KRTAP24-1: variants seen among roughly 807,000 people sequenced by gnomAD.
KRTAP24-1 encodes keratin associated protein 24-1, also known as keratin-associated protein 24-1.
For synonymous variants in KRTAP24-1, 133 were observed against 116.3 expected (o/e 1.14, Z -0.92); for missense variants, 344 against 303.2 (o/e 1.13, Z -1.00).
rs541058290 is a variant in KRTAP24-1, at chr21:30,282,555, C to G, written c.378G>C (p.Gly126=). 14 of 1,604,072 alleles carry G rather than the reference C, an allele frequency of 8.7e-6. No individual in the cohort carries two copies. Among genetic ancestry groups the G allele is most frequent in the Non-Finnish European group, 1.1e-5 (13 of 1,174,686 alleles). The change falls in exon 1 of 1, where the codon GGG becomes GGC. Residue 126 remains glycine (G), a synonymous_variant. Transcript: ENST00000340345. Reference sequence around the variant, plus strand: ...TGGGTATGTGGCAATTGCATACATACCCATTGGTCTGGGTGCTTGGGCTGC... The same window carrying G: ...TGGGTATGTGGCAATTGCATACATAGCCATTGGTCTGGGTGCTTGGGCTGC... The part of the protein sequence containing the change: ...PSCSPSTQTN[G]YVCNCHIPTR...
Position 30,281,344 on chromosome 21 carries a change from G to A in KRTAP24-1, c.*824C>T, listed in dbSNP as rs1401974318. 9 of 152,164 alleles carry A rather than the reference G, an allele frequency of 5.9e-5. No individual in the cohort carries two copies. The highest frequency in any genetic ancestry group is 1.5e-5 in the Non-Finnish European group (1 of 68,032). 9.4% of individuals were successfully genotyped at this position (152,164 alleles called of 1,614,324 possible). A position where few individuals can be genotyped will look rare whatever the true frequency, so the allele number is the denominator to read the frequency against. On this transcript the variant is annotated 3_prime_UTR_variant, in exon 1 of 1. Transcript: ENST00000340345. ...AAATTTGTTTATTAACTAAGAACTAGGACATTTTCCAGAGTCAGAATGCAA... is the reference window on the plus strand; with the variant it reads ...AAATTTGTTTATTAACTAAGAACTAAGACATTTTCCAGAGTCAGAATGCAA...
Position 30,282,897 on chromosome 21 carries a change from A to G in KRTAP24-1, c.36T>C (p.Pro12=). ...PAGSMSTTGY[P]GVCSTTSYRT... Reference sequence around the variant, plus strand: ...TGTATGATGTGGTACTGCAGACCCCAGGATAGCCTGTAGTAGACATGGAGC... The same window carrying G: ...TGTATGATGTGGTACTGCAGACCCCGGGATAGCCTGTAGTAGACATGGAGC... Residue 12 remains proline (P), a synonymous_variant, in exon 1 of 1, where the codon CCT becomes CCC. Transcript: ENST00000340345. 6.2e-7 allele frequency: 1 copy of G among 1,613,282 alleles called. No homozygotes were observed.
chr21:30,282,689 T>C lies in KRTAP24-1; in HGVS notation c.244A>G (p.Ser82Gly). The C allele has an allele frequency of 1.2e-6, 2 of 1,611,980 alleles. No homozygotes were observed. Among genetic ancestry groups the C allele is most frequent in the Non-Finnish European group, 1.7e-6 (2 of 1,178,904 alleles). Reference protein sequence around the residue: ...KSPSCEPKTCSTTGCDPSNSS... With the variant: ...KSPSCEPKTCGTTGCDPSNSS... Reference sequence around the variant, plus strand: ...TTTGACGGGTCACAACCAGTGGTACTGCAGGTCTTGGGCTCACAGCTGGGA... The same window carrying C: ...TTTGACGGGTCACAACCAGTGGTACCGCAGGTCTTGGGCTCACAGCTGGGA... Residue 82 changes from serine to glycine, a missense_variant, in exon 1 of 1, where the codon AGT becomes GGT. By Grantham distance (56) the Ser-to-Gly change is moderately conservative (BLOSUM62 0). Transcript: ENST00000340345.
rs1261342571 is a variant in KRTAP24-1 at position 30,282,556 on chromosome 21, C to A, written c.377G>T (p.Gly126Val). The A allele has an allele frequency of 1.9e-6, 3 of 1,603,308 alleles. No individual in the cohort carries two copies. The highest frequency in any genetic ancestry group is 1.7e-5 in the Admixed American group (1 of 59,340). Residue 126 changes from glycine (G) to valine (V), a missense_variant, in exon 1 of 1, where the codon GGG (glycine) becomes GTG (valine). Gly to Val is a moderately radical substitution (Grantham distance 109). Coordinates refer to ENST00000340345, the MANE Select transcript of KRTAP24-1 (RefSeq NM_001085455.3). Reference sequence around the variant, plus strand: ...GGGTATGTGGCAATTGCATACATACCCATTGGTCTGGGTGCTTGGGCTGCA... The same window carrying A: ...GGGTATGTGGCAATTGCATACATACACATTGGTCTGGGTGCTTGGGCTGCA... ...PSCSPSTQTN[G>V]YVCNCHIPTR...
In KRTAP24-1 at chr21:30,282,365, G is replaced by A. The variant is rs777653515; in HGVS notation, c.568C>T (p.Pro190Ser). 2 of 1,614,120 alleles carry A rather than the reference G, an allele frequency of 1.2e-6. No individual in the cohort carries two copies. Among genetic ancestry groups the A allele is most frequent in the Non-Finnish European group, 1.7e-6 (2 of 1,180,010 alleles). Residue 190 changes from proline to serine, a missense_variant, in exon 1 of 1, where the codon CCA becomes TCA. By Grantham distance (74) the Pro-to-Ser change is moderately conservative (BLOSUM62 -1). Coordinates refer to ENST00000340345, the MANE Select transcript of KRTAP24-1 (RefSeq NM_001085455.3). ...CAGCTGTTGGAAATATAACATAATG[G>A]TGAGACGTAGCTGGGTATGAAGCAA... ...NPCFIPSYVS[P>S]LCYISNSCQP...
the KRTAP24-1 span, chr21:30,282,363 T>TG: frequency 1.2e-6 from 2 of 1,614,126 alleles, no homozygotes; most frequent in Non-Finnish European, 1.7e-6. Flanking sequence ...TATAACATAA[T>TG]GGTGAGACGT....
chr21:30,282,658 G>C lies in KRTAP24-1; in HGVS notation c.275C>G (p.Ser92Cys). ...STTGCDPSNS[S>C]VPCNSPSAGQ... ...TGCTGATGGGGAGTTGCAGGGCACA[G>C]AGGAGTTTGACGGGTCACAACCAGT... Residue 92 changes from serine to cysteine, a missense_variant, in exon 1 of 1, where the codon TCT (serine) becomes TGT (cysteine). Coordinates refer to ENST00000340345, the MANE Select transcript of KRTAP24-1 (RefSeq NM_001085455.3). 1.2e-6 allele frequency: 2 copies of C among 1,602,276 alleles called. No individual in the cohort carries two copies. The highest frequency in any genetic ancestry group is 1.7e-6 in the Non-Finnish European group (2 of 1,174,196).
Position 30,282,107 on chromosome 21 carries a change from A to G in KRTAP24-1, c.*61T>C, listed in dbSNP as rs2123271156. On this transcript the variant is annotated 3_prime_UTR_variant, in exon 1 of 1. Coordinates refer to ENST00000340345, the MANE Select transcript of KRTAP24-1 (RefSeq NM_001085455.3). Reference sequence around the variant, plus strand: ...GATTCAGCAGAAAATTAGACGTTCTAGTACTTAGTAGAATCTTCCCCATTG... The same window carrying G: ...GATTCAGCAGAAAATTAGACGTTCTGGTACTTAGTAGAATCTTCCCCATTG... The G allele has an allele frequency of 5.4e-6, 8 of 1,472,802 alleles. No homozygotes were observed. In the South Asian group the frequency reaches 8.9e-5, roughly 16 times the overall value. The allele number at this position is 1,472,802 out of a possible 1,614,324, so 91.2% of individuals were successfully genotyped here. A position where few individuals can be genotyped will look rare whatever the true frequency, so the allele number is the denominator to read the frequency against.
rs781131552 is a variant in KRTAP24-1, at chr21:30,282,643, GAGT to G, written c.287_289del (p.Asn96_Ser97delinsThr). 3 of 1,593,430 alleles carry G rather than the reference GAGT, an allele frequency of 1.9e-6. No homozygotes were observed. In the South Asian group the frequency reaches 3.5e-5, roughly 18 times the overall value. On this transcript the variant is annotated inframe_deletion, in exon 1 of 1. Transcript: ENST00000340345. The stretch of plus-strand genomic sequence containing the variant: ...ACTGAAGACTTGGCCTGCTGATGGG[GAGT>G]TGCAGGGCACAGAGGAGTTTGACGG...
chr21:30,282,943 C>T lies in KRTAP24-1; in HGVS notation c.-11G>A, dbSNP rs753121527. 2.8e-5 allele frequency: 44 copies of T among 1,596,922 alleles called. No homozygotes were observed. Among genetic ancestry groups the T allele is most frequent in the South Asian group, 2.6e-4 (23 of 88,098 alleles). ...GGAGCCTGCAGGCATGCTCAGTGGTCGCTGTGCAGTGTGTCTGTGGCCTAA... is the reference window on the plus strand; with the variant it reads ...GGAGCCTGCAGGCATGCTCAGTGGTTGCTGTGCAGTGTGTCTGTGGCCTAA... On this transcript the variant is annotated 5_prime_UTR_variant, in exon 1 of 1. Coordinates refer to ENST00000340345, the MANE Select transcript of KRTAP24-1 (RefSeq NM_001085455.3).
At position 30,282,521 on chromosome 21, in the gene KRTAP24-1, C is replaced by T. The variant is rs1481078581; in HGVS notation, c.412G>A (p.Ala138Thr). The T allele has an allele frequency of 1.2e-6, 2 of 1,612,974 alleles. No homozygotes were observed. The highest frequency in any genetic ancestry group is 1.7e-6 in the Non-Finnish European group (2 of 1,179,360). The change falls in exon 1 of 1, where the codon GCA becomes ACA. Residue 138 changes from alanine to threonine, a missense_variant. Ala to Thr is a moderately conservative substitution (Grantham distance 58). Coordinates refer to ENST00000340345, the MANE Select transcript of KRTAP24-1 (RefSeq NM_001085455.3). Reference sequence around the variant, plus strand: ...CGGAGGGTTTGGCAGGCTTTGGATGCATTTCGAGTGGGTATGTGGCAATTG... The same window carrying T: ...CGGAGGGTTTGGCAGGCTTTGGATGTATTTCGAGTGGGTATGTGGCAATTG... ...VCNCHIPTRN[A>T]SKACQTLRNG...
chr21:30,282,934 C>T lies in KRTAP24-1; in HGVS notation c.-2G>A. On this transcript the variant is annotated 5_prime_UTR_variant, in exon 1 of 1. Transcript: ENST00000340345. ...AGTAGACATGGAGCCTGCAGGCATG[C>T]TCAGTGGTCGCTGTGCAGTGTGTCT... is the stretch of plus-strand genomic sequence containing the variant. 6.2e-7 allele frequency: 1 copy of T among 1,603,482 alleles called. No homozygotes were observed. The highest frequency in any genetic ancestry group is 1.8e-4 in the Middle Eastern group (1 of 5,674).
In KRTAP24-1 at chr21:30,282,084, T is replaced by C. The variant is rs973656865; in HGVS notation, c.*84A>G. On this transcript the variant is annotated 3_prime_UTR_variant, in exon 1 of 1. Coordinates refer to ENST00000340345, the MANE Select transcript of KRTAP24-1 (RefSeq NM_001085455.3). Reference sequence around the variant, plus strand: ...AAGATTCTTAGGCTGAATAAAGAGATTCAGCAGAAAATTAGACGTTCTAGT... The same window carrying C: ...AAGATTCTTAGGCTGAATAAAGAGACTCAGCAGAAAATTAGACGTTCTAGT... 6.0e-6 allele frequency: 8 copies of C among 1,326,902 alleles called. No homozygotes were observed. The highest frequency in any genetic ancestry group is 4.1e-6 in the Non-Finnish European group (4 of 973,674). The allele number at this position is 1,326,902 out of a possible 1,614,324, so 82.2% of individuals were successfully genotyped here. A position where few individuals can be genotyped will look rare whatever the true frequency, so the allele number is the denominator to read the frequency against.
Position 30,282,362 on chromosome 21 carries a change from A to T in KRTAP24-1, c.571T>A (p.Leu191Ile). Residue 191 changes from leucine to isoleucine, a missense_variant, in exon 1 of 1, where the codon TTA (leucine) becomes ATA (isoleucine). Physicochemically the swap from Leu to Ile is conservative, Grantham distance 5. Coordinates refer to ENST00000340345, the MANE Select transcript of KRTAP24-1 (RefSeq NM_001085455.3). ...TGGCAGCTGTTGGAAATATAACATA[A>T]TGGTGAGACGTAGCTGGGTATGAAG... Reference protein sequence around the residue: ...PCFIPSYVSPLCYISNSCQPQ... With the variant: ...PCFIPSYVSPICYISNSCQPQ... 6.2e-7 allele frequency: 1 copy of T among 1,614,150 alleles called. No individual in the cohort carries two copies. The highest frequency in any genetic ancestry group is 8.5e-7 in the Non-Finnish European group (1 of 1,180,018).
chr21:30,282,399 G>A lies in KRTAP24-1; in HGVS notation c.534C>T (p.Tyr178=). The A allele has an allele frequency of 6.2e-7, 1 of 1,614,142 alleles. No homozygotes were observed. The change falls in exon 1 of 1, where the codon TAC becomes TAT. Residue 178 remains tyrosine, a synonymous_variant. Transcript: ENST00000340345. Reference sequence around the variant, plus strand: ...AGCTGGGTATGAAGCAAGGATTTTGGTAGCTTTTATACCCCAAAGTACTCA... The same window carrying A: ...AGCTGGGTATGAAGCAAGGATTTTGATAGCTTTTATACCCCAAAGTACTCA... ...CRLSTLGYKS[Y]QNPCFIPSYV...
At position 30,282,912 on chromosome 21, in the gene KRTAP24-1, A is replaced by G. The variant is rs1278491215; in HGVS notation, c.21T>C (p.Ser7=). Residue 7 remains serine, a synonymous_variant, in exon 1 of 1, where the codon TCT becomes TCC. Transcript: ENST00000340345. Reference sequence around the variant, plus strand: ...TGCAGACCCCAGGATAGCCTGTAGTAGACATGGAGCCTGCAGGCATGCTCA... The same window carrying G: ...TGCAGACCCCAGGATAGCCTGTAGTGGACATGGAGCCTGCAGGCATGCTCA... The part of the protein sequence containing the change: MPAGSM[S]TTGYPGVCST... 6.2e-7 allele frequency: 1 copy of G among 1,611,552 alleles called. No individual in the cohort carries two copies. The highest frequency in any genetic ancestry group is 8.5e-7 in the Non-Finnish European group (1 of 1,178,692).
rs372258732 is a variant in KRTAP24-1, at chr21:30,282,321, T to C, written c.612A>G (p.Leu204=). The C allele has an allele frequency of 6.2e-7, 1 of 1,614,160 alleles. No homozygotes were observed. ...ISNSCQPQSY[L]VRNYHYSSYR... ...AGCTTGAATAGTGATAATTTCTCAC[T>C]AAATAGCTTTGGGGTTGGCAGCTGT... Residue 204 remains leucine, a synonymous_variant, in exon 1 of 1, where the codon TTA becomes TTG. Transcript: ENST00000340345.
In KRTAP24-1 at chr21:30,282,120, AT is replaced by A; in HGVS notation, c.*47del. On this transcript the variant is annotated 3_prime_UTR_variant, in exon 1 of 1. Coordinates refer to ENST00000340345, the MANE Select transcript of KRTAP24-1 (RefSeq NM_001085455.3). ...ATTAGACGTTCTAGTACTTAGTAGAATCTTCCCCATTGGGCAATTTCCAGCT... is the reference window on the plus strand; with the variant it reads ...ATTAGACGTTCTAGTACTTAGTAGAACTTCCCCATTGGGCAATTTCCAGCT... The A allele has an allele frequency of 6.5e-7, 1 of 1,548,850 alleles. No homozygotes were observed. Among genetic ancestry groups the A allele is most frequent in the Non-Finnish European group, 8.7e-7 (1 of 1,149,382 alleles).
rs1046794825 is a variant in KRTAP24-1 at position 30,281,507 on chromosome 21, T to G, written c.*661A>C. 2 of 152,192 alleles carry G rather than the reference T, an allele frequency of 1.3e-5. No individual in the cohort carries two copies. Among genetic ancestry groups the G allele is most frequent in the Non-Finnish European group, 2.9e-5 (2 of 68,042 alleles). 9.4% of individuals were successfully genotyped at this position (152,192 alleles called of 1,614,324 possible). A position where few individuals can be genotyped will look rare whatever the true frequency, so the allele number is the denominator to read the frequency against. On this transcript the variant is annotated 3_prime_UTR_variant, in exon 1 of 1. Coordinates refer to ENST00000340345, the MANE Select transcript of KRTAP24-1 (RefSeq NM_001085455.3). Reference sequence around the variant, plus strand: ...TAATTCTGAGGCTTTTTCTTAGGCATGGAGAACAAAAGCTGAGTACCAGTG... The same window carrying G: ...TAATTCTGAGGCTTTTTCTTAGGCAGGGAGAACAAAAGCTGAGTACCAGTG...
Sources: gnomAD v4.1 joint callset for allele counts on GRCh38, gnomAD v4.1.1 for gene constraint, MANE v1.5 for transcripts, NCBI Gene and HGNC (gene_info 2026-07-23, HGNC 2026-07-21) for gene names.